Variants in PPARG observed in about 807,000 individuals in gnomAD.
PPARG encodes peroxisome proliferator activated receptor gamma, also known as peroxisome proliferator-activated receptor gamma.
In PPARG, 17 loss-of-function variants were observed where a neutral mutation model predicts 39.2. The observed-to-expected ratio is 0.43, with a 90% CI of 0.30 to 0.65. The LOEUF is 0.65. PPARG is among the 30% of genes least tolerant of loss of function. PPARG has a pLI of 0.13. For missense variants in PPARG, 406 were observed against 585.9 expected (o/e 0.69, Z 3.17); for synonymous variants, 223 against 215.7 (o/e 1.03, Z -0.30).
intron 4 of PPARG, among the ~76,000 whole-genome samples, chr3:12,386,711 A>G (rs2049884887): frequency 6.6e-6 from 1 of 152,110 alleles, no homozygotes; most frequent in Admixed American, 6.6e-5. Flanking sequence ...CCTTGAGGTT[A>G]TCTTTTCTTT....
intron 5 of PPARG, among the ~76,000 whole-genome samples, chr3:12,395,803 A>G (rs2050237178): frequency 6.6e-6 from 1 of 152,178 alleles, no homozygotes; most frequent in African/African-American, 2.4e-5. Context: ...CTCAAGCACA[A>G]TCAATTCACT....
intron 2 of PPARG, chr3:12,351,693 A>G (rs771775640): frequency 1.0e-5 from 16 of 1,577,612 alleles, no homozygotes; most frequent in Admixed American, 1.7e-5. Context: ...CCTTCCAGAT[A>G]CGGCTATTGG....
At chr3:12,314,554 T>C (rs2047336812) in intron 2 of PPARG, among the ~76,000 whole-genome samples, 1 of 152,128 alleles carries the variant, frequency 6.6e-6, no homozygotes, top group African/African-American at 2.4e-5. Flanking sequence ...CTTAATCTCA[T>C]TTGACTATGA....
intron 4 of PPARG, 133 bp downstream of exon 4, chr3:12,381,624 C>T: frequency 1.1e-6 from 1 of 919,010 alleles, no homozygotes; most frequent in Non-Finnish European, 1.7e-6. Context: ...GTCACCCAGA[C>T]CAGAGTGCAG....
intron 2 of PPARG, among the ~76,000 whole-genome samples, chr3:12,357,804 A>G (rs2048716589): frequency 6.6e-6 from 1 of 152,188 alleles, no homozygotes. Flanking sequence ...CCTGAGTTCA[A>G]ACTGTCTGGT....
At chr3:12,287,479 A>G (rs907736555), upstream of PPARG, 1 of 152,284 alleles carries the variant, frequency 6.6e-6, no homozygotes, top group Non-Finnish European at 1.5e-5. Flanking sequence ...GTCACTGGAA[A>G]GAACATCTTG....
chr3:12,386,544 C>A (rs1411034230), intron 4 of PPARG, among the ~76,000 whole-genome samples: 1 of 147,446 alleles, frequency 6.8e-6, no homozygotes, highest in Admixed American at 6.7e-5. Context: ...GAACATGTGT[C>A]AAAGATTTAT....
chr3:12,287,903 C>A (rs1262650081), upstream of PPARG: 3 of 144,438 alleles, frequency 2.1e-5, no homozygotes, highest in Admixed American at 2.0e-4. Flanking sequence ...CCGGCTCCGC[C>A]GCGGGCAGGC....
At chr3:12,405,734 T>C (rs2050635609) in intron 5 of PPARG, 148 bp from the exon 6 acceptor site, 5 of 767,196 alleles carry the variant, frequency 6.5e-6, no homozygotes, top group South Asian at 4.7e-5. Context: ...AATAAAAACA[T>C]GAGCAAAGTG....
intron 1 of PPARG, among the ~76,000 whole-genome samples, chr3:12,296,254 C>CAAAAAAAAAAAAAAAAA (rs545210244): frequency 2.1e-5 from 1 of 48,650 alleles, no homozygotes; most frequent in Non-Finnish European, 3.8e-5. Flanking sequence ...CACTTTGTCT[C>CAAAAAAAAAAAAAAAAA]AAAAAAAAAA....
chr3:12,365,438 A>G (rs748297011), intron 2 of PPARG, among the ~76,000 whole-genome samples: 7 of 152,146 alleles, frequency 4.6e-5, no homozygotes, highest in Non-Finnish European at 8.8e-5. Flanking sequence ...GGTGTATCTA[A>G]AAAGTCCTAT....
chr3:12,389,801 G>A (rs2050005430), intron 4 of PPARG, among the ~76,000 whole-genome samples: 1 of 152,156 alleles, frequency 6.6e-6, no homozygotes, highest in Non-Finnish European at 1.5e-5. Flanking sequence ...GAAGGCTGAG[G>A]CCCAAGAATC....
At chr3:12,311,285 G>A (rs1263619739) in intron 1 of PPARG, among the ~76,000 whole-genome samples, 3 of 151,860 alleles carry the variant, frequency 2.0e-5, no homozygotes, top group Admixed American at 2.0e-4. Context: ...TCTGTTTTTT[G>A]TAGAGACAGG....
chr3:12,303,892 A>G (rs995759069), intron 1 of PPARG, among the ~76,000 whole-genome samples: 3 of 152,238 alleles, frequency 2.0e-5, no homozygotes, highest in Admixed American at 1.3e-4. Flanking sequence ...TTAGTAGAAC[A>G]TATTTTCTTC....
upstream of PPARG, chr3:12,287,750 G>A (rs2124907312): frequency 6.7e-6 from 1 of 149,994 alleles, no homozygotes; most frequent in Admixed American, 6.6e-5. Flanking sequence ...GTGCGCGGGC[G>A]GCGGCCGAGC....
rs780100410 is a variant in PPARG, at chr3:12,405,998, T to A, written c.646T>A (p.Leu216Met). 9 of 1,614,124 alleles carry A rather than the reference T, an allele frequency of 5.6e-6. No individual in the cohort carries two copies. In the Middle Eastern group the frequency reaches 6.6e-4, roughly 118 times the overall value. ...TGACCTCCGGGCCCTGGCAAAACATTTGTATGACTCATACATAAAGTCCTT... is the reference window on the plus strand; with the variant it reads ...TGACCTCCGGGCCCTGGCAAAACATATGTATGACTCATACATAAAGTCCTT... ...SADLRALAKH[L>M]YDSYIKSFPL... Residue 216 changes from leucine to methionine, a missense_variant, in exon 6 of 8, where the codon TTG becomes ATG. Physicochemically the swap from Leu to Met is conservative, Grantham distance 15. Around this residue, in one of 2 missense-constraint regions of PPARG, gnomAD observed 275 missense variants for 458.0 expected, o/e 0.60. Coordinates refer to ENST00000651735, the MANE Select transcript of PPARG (RefSeq NM_138711.6).
intron 2 of PPARG, among the ~76,000 whole-genome samples, chr3:12,357,348 A>G (rs546548687): frequency 6.6e-6 from 1 of 151,914 alleles, no homozygotes; most frequent in Admixed American, 6.6e-5. Context: ...CACATTCCAG[A>G]TGCTCTCCTG....
chr3:12,343,100 T>C (rs17036321), intron 2 of PPARG, among the ~76,000 whole-genome samples: 3,532 of 151,924 alleles, frequency 0.023, 144 homozygotes, highest in African/African-American at 0.079. Context: ...ACAGTAGGTC[T>C]AAGACACGTT....
chr3:12,413,944 AT>A (rs2125277392), intron 6 of PPARG, among the ~76,000 whole-genome samples: 1 of 152,182 alleles, frequency 6.6e-6, no homozygotes, highest in South Asian at 2.1e-4. Flanking sequence ...TTAAAGTCAC[AT>A]TGTTGTTAAA....
Sources: allele counts gnomAD v4.1 joint callset (sites outside exome capture counted in the v4.1 genomes callset), GRCh38; gene constraint gnomAD v4.1.1; regional missense constraint gnomAD v4.1.1; transcripts MANE v1.5; gene names NCBI Gene and HGNC (gene_info 2026-07-23, HGNC 2026-07-21).